Variants in CCDC60 observed in about 807,000 individuals in gnomAD.
The protein encoded by CCDC60 is coiled-coil domain containing 60, also known as coiled-coil domain-containing protein 60.
In CCDC60, 54 loss-of-function variants were observed where a neutral mutation model predicts 63.5. That is an observed-to-expected ratio of 0.85 (90% CI 0.68 to 1.07). The LOEUF is 1.07. CCDC60 is among the 50% of genes least tolerant of loss of function. The pLI is 0.00. For missense variants in CCDC60, 651 were observed against 684.3 expected, an observed-to-expected ratio of 0.95 and a Z score of 0.54; for synonymous variants, 206 against 238.8, an observed-to-expected ratio of 0.86 and a Z score of 1.27.
At chr12:119,477,521 T>C (rs1256358024) in intron 3 of CCDC60, among the ~76,000 whole-genome samples, 1 of 152,212 alleles carries the variant, frequency 6.6e-6, no homozygotes, top group East Asian at 1.9e-4. Context: ...CTGCATCTGT[T>C]TCATACATTG....
intron 7 of CCDC60, among the ~76,000 whole-genome samples, chr12:119,515,809 T>G (rs910634869): frequency 7.2e-5 from 11 of 152,322 alleles, no homozygotes; most frequent in African/African-American, 2.6e-4. Context: ...GATTTTCATG[T>G]GAAATCTTCC....
At chr12:119,536,716 T>C (rs1325863034) in intron 13 of CCDC60, among the ~76,000 whole-genome samples, 2 of 152,222 alleles carry the variant, frequency 1.3e-5, no homozygotes, top group Admixed American at 6.5e-5. Context: ...TTGAAAATCC[T>C]TTTCTTTAAG....
intron 1 of CCDC60, among the ~76,000 whole-genome samples, chr12:119,360,101 T>A (rs1955760782): frequency 6.8e-6 from 1 of 147,172 alleles, no homozygotes. Context: ...CACTTCCCAG[T>A]AGGGGCGGCC....
chr12:119,418,405 T>C (rs1956747841), intron 1 of CCDC60, among the ~76,000 whole-genome samples: 7 of 21,416 alleles, frequency 3.3e-4, no homozygotes, highest in Non-Finnish European at 4.7e-4. Flanking sequence ...TTTTTTTTTT[T>C]TTTTTTTTTT....
At chr12:119,432,014 G>A (rs758497584) in intron 2 of CCDC60, among the ~76,000 whole-genome samples, 3 of 152,196 alleles carry the variant, frequency 2.0e-5, no homozygotes, top group Non-Finnish European at 4.4e-5. Context: ...TTCCTCCAAA[G>A]TTAGTTCAGC....
At chr12:119,522,902 ACT>A (rs1952567747) in intron 9 of CCDC60, 35 bp from the exon 10 acceptor site, 1 of 1,607,276 alleles carries the variant, frequency 6.2e-7, no homozygotes, top group African/African-American at 1.3e-5. Context: ...TGAAAAGCAG[ACT>A]CTGAGCAACT....
intron 2 of CCDC60, among the ~76,000 whole-genome samples, chr12:119,466,185 T>C (rs986931594): frequency 2.6e-5 from 4 of 152,162 alleles, no homozygotes; most frequent in Non-Finnish European, 5.9e-5. Context: ...CTAAATGCAC[T>C]GACACCCCTC....
At chr12:119,499,891 G>A (rs1473044276) in intron 5 of CCDC60, among the ~76,000 whole-genome samples, 187 bp from the exon 6 acceptor site, 4 of 152,078 alleles carry the variant, frequency 2.6e-5, no homozygotes, top group Non-Finnish European at 4.4e-5. Context: ...TCCAAACCTC[G>A]ATTTCACTCA....
At chr12:119,368,431 C>T (rs1025760412) in intron 1 of CCDC60, among the ~76,000 whole-genome samples, 1 of 151,896 alleles carries the variant, frequency 6.6e-6, no homozygotes, top group African/African-American at 2.4e-5. Context: ...GCTAGGACAC[C>T]GGACCCGCCA....
chr12:119,455,149 G>C (rs944943254), intron 2 of CCDC60, among the ~76,000 whole-genome samples: 1 of 152,190 alleles, frequency 6.6e-6, no homozygotes, highest in African/African-American at 2.4e-5. Context: ...TTGCTTTGCT[G>C]GTTGTTAATC....
chr12:119,386,636 C>T (rs1956065804), intron 1 of CCDC60, among the ~76,000 whole-genome samples: 1 of 152,170 alleles, frequency 6.6e-6, no homozygotes, highest in African/African-American at 2.4e-5. Flanking sequence ...GGCAGCATTC[C>T]AGCCTTGGAA....
intron 7 of CCDC60, among the ~76,000 whole-genome samples, chr12:119,507,076 T>C (rs1952025668): frequency 6.6e-6 from 1 of 152,094 alleles, no homozygotes; most frequent in East Asian, 1.9e-4. Flanking sequence ...CAGTGTTCTC[T>C]CTCACACCAT....
intron 5 of CCDC60, among the ~76,000 whole-genome samples, chr12:119,499,777 C>T (rs1208920248): frequency 2.0e-5 from 3 of 152,146 alleles, no homozygotes; most frequent in Non-Finnish European, 4.4e-5. Flanking sequence ...TAATCGCAGA[C>T]CTGCCCAGGA....
In CCDC60 at chr12:119,456,402, C is replaced by A. The variant is rs970561757; in HGVS notation, c.171-15592C>A. Among the ~76,000 whole-genome samples, 1 of 152,148 alleles carries A rather than the reference C, an allele frequency of 6.6e-6. No homozygotes were observed. Among genetic ancestry groups the A allele is most frequent in the South Asian group, 2.1e-4 (1 of 4,818 alleles). On this transcript the variant is annotated intron_variant, in intron 2 of 13. Transcript: ENST00000327554. The surrounding 1 kb of genome is among the most constrained non-coding windows in gnomAD (Gnocchi z 4.6). ...AATAGAGTTGACATCACTTCATGAT[C>A]AATTAACTGGATATGAAAGGGGTCA...
chr12:119,468,385 G>A (rs1395321375), intron 2 of CCDC60, among the ~76,000 whole-genome samples: 1 of 152,136 alleles, frequency 6.6e-6, no homozygotes, highest in Non-Finnish European at 1.5e-5. Context: ...CCACTCATTT[G>A]CTTTTGCACA....
chr12:119,399,584 T>C (rs1956350086), intron 1 of CCDC60, among the ~76,000 whole-genome samples: 2 of 152,178 alleles, frequency 1.3e-5, no homozygotes, highest in Admixed American at 1.3e-4. Context: ...TAATTATAAT[T>C]ATACTTCAAA....
intron 1 of CCDC60, among the ~76,000 whole-genome samples, chr12:119,348,080 ACTGTCGC>A (rs934737536): frequency 3.0e-4 from 45 of 152,326 alleles, no homozygotes; most frequent in Middle Eastern, 3.4e-3. Context: ...TTAGCACATG[ACTGTCGC>A]CTGTGTTGCT....
At chr12:119,336,021 A>G (rs1349005667) in intron 1 of CCDC60, among the ~76,000 whole-genome samples, 1 of 144,770 alleles carries the variant, frequency 6.9e-6, no homozygotes, top group Non-Finnish European at 1.5e-5. Flanking sequence ...GCATATTCTC[A>G]CTCATAGGTG....
At chr12:119,367,874 G>A (rs1955856174) in intron 1 of CCDC60, among the ~76,000 whole-genome samples, 1 of 151,564 alleles carries the variant, frequency 6.6e-6, no homozygotes, top group African/African-American at 2.4e-5. Flanking sequence ...CAGAAGCCTG[G>A]GAGGATAATG....
Sources: allele counts gnomAD v4.1 joint callset (sites outside exome capture counted in the v4.1 genomes callset), GRCh38; gene constraint gnomAD v4.1.1; non-coding constraint Gnocchi (gnomAD v3.1); transcripts MANE v1.5; gene names NCBI Gene and HGNC (gene_info 2026-07-23, HGNC 2026-07-21).